The following LEKR1 variants were observed in gnomAD, a reference collection of about 807,000 sequenced individuals.
LEKR1 encodes the protein leucine, glutamate and lysine rich 1, also known as protein LEKR1.
LEKR1 carries 59 observed loss-of-function variants against 72.4 expected under a neutral mutation model. That is an observed-to-expected ratio of 0.82 (90% CI 0.66 to 1.01). The LOEUF (loss-of-function observed/expected upper bound fraction) is 1.01. Ranked by LOEUF, LEKR1 falls within the 50% of genes least tolerant of loss-of-function variation. The pLI, the probability that LEKR1 is intolerant of heterozygous loss-of-function variation, is 0.00. For missense variants in LEKR1, 728 were observed against 759.2 expected (o/e 0.96, Z 0.48); for synonymous variants, 257 against 263.2 (o/e 0.98, Z 0.23).
chr3:156,892,232 C>A (rs752011164), intron 3 of LEKR1, among the ~76,000 whole-genome samples: 32 of 152,024 alleles, frequency 2.1e-4, no homozygotes, highest in Non-Finnish European at 4.1e-4. Flanking sequence ...TAGACGCCAC[C>A]AGACTAAGCG....
intron 3 of LEKR1, among the ~76,000 whole-genome samples, chr3:156,894,923 C>T (rs1486645129): frequency 1.3e-5 from 2 of 152,088 alleles, no homozygotes; most frequent in South Asian, 2.1e-4. Flanking sequence ...CATGTAAAAC[C>T]CAAAAGAAAC....
chr3:156,932,726 G>GA, intron 5 of LEKR1, among the ~76,000 whole-genome samples: 1 of 129,952 alleles, frequency 7.7e-6, no homozygotes, highest in South Asian at 2.6e-4. Flanking sequence ...AAAAAAAAGG[G>GA]TATCTATGTT....
intron 5 of LEKR1, among the ~76,000 whole-genome samples, chr3:156,937,091 A>G (rs867590647): frequency 5.3e-5 from 8 of 152,090 alleles, no homozygotes; most frequent in South Asian, 4.1e-4. Context: ...GCTGTGTTCT[A>G]TGGTCATACC....
intron 10 of LEKR1, among the ~76,000 whole-genome samples, chr3:157,015,608 A>G (rs934092386): frequency 6.6e-6 from 1 of 152,204 alleles, no homozygotes; most frequent in Non-Finnish European, 1.5e-5. Flanking sequence ...GCTCAAGAAT[A>G]TTCATAGGAA....
intron 3 of LEKR1, among the ~76,000 whole-genome samples, chr3:156,899,256 A>G (rs1576773161): frequency 2.6e-4 from 1 of 3,898 alleles, no homozygotes; most frequent in South Asian, 0.011. Flanking sequence ...ATATATACAT[A>G]TATATATATA....
rs1724834826 is a variant in LEKR1, at chr3:156,927,578, A to C, written c.533A>C (p.Lys178Thr). The part of the protein sequence containing the change: ...SLKGAVFLQI[K>T]SISETALTEI... ...AAAGGAGCAGTTTTTCTACAAATTA[A>C]ATCTATAAGTGAAACAGCCTTGACA... The change falls in exon 5 of 13, where the codon AAA becomes ACA. Residue 178 changes from lysine (K) to threonine (T), a missense_variant. By Grantham distance (78) the Lys-to-Thr change is moderately conservative. Transcript: ENST00000356539. 8.1e-7 allele frequency: 1 copy of C among 1,235,386 alleles called. No individual in the cohort carries two copies. The allele number at this position is 1,235,386 out of a possible 1,614,324, so 76.5% of individuals were successfully genotyped here. A position where few individuals can be genotyped will look rare whatever the true frequency, so the allele number is the denominator to read the frequency against.
chr3:157,043,045 A>G lies in LEKR1; in HGVS notation c.1669-2295A>G, dbSNP rs186252785. 7.2e-5 allele frequency among the ~76,000 whole-genome samples: 11 copies of G among 152,182 alleles called. No individual in the cohort carries two copies. The East Asian group carries it at 1.9e-3, about 27-fold the overall frequency. Reference sequence around the variant, plus strand: ...GTTGGTGCTGTTCTTGTGATACTGAATGAGTTCTCATGAGATCTGGTTGTT... The same window carrying G: ...GTTGGTGCTGTTCTTGTGATACTGAGTGAGTTCTCATGAGATCTGGTTGTT... On this transcript the variant is annotated intron_variant, in intron 12 of 12. Coordinates refer to ENST00000356539, the MANE Select transcript of LEKR1 (RefSeq NM_001004316.3).
At chr3:156,979,779 A>C (rs890177285) in intron 7 of LEKR1, 1 of 152,292 alleles carries the variant, frequency 6.6e-6, no homozygotes, top group Non-Finnish European at 1.5e-5. Flanking sequence ...AAAATGATGT[A>C]AAATCAAGAA....
chr3:156,897,573 TA>T (rs1413567114), intron 3 of LEKR1, among the ~76,000 whole-genome samples: 2 of 152,156 alleles, frequency 1.3e-5, no homozygotes, highest in Non-Finnish European at 2.9e-5. Flanking sequence ...TAGGTAAATT[TA>T]AACATTTCCT....
intron 10 of LEKR1, among the ~76,000 whole-genome samples, chr3:157,022,221 A>T (rs1733894828): frequency 6.6e-6 from 1 of 152,216 alleles, no homozygotes; most frequent in Non-Finnish European, 1.5e-5. Context: ...CAAAGGTGTC[A>T]TATGGGCTAG....
rs529311326 is a variant in LEKR1, at chr3:157,000,448, A to C, written c.1109+7171A>C. ...AAAGAATGGACTTTAGAATTAGGTA[A>C]ACATAGAGTAAATCCCAACTTGACC... is the stretch of plus-strand genomic sequence containing the variant. On this transcript the variant is annotated intron_variant, in intron 9 of 12. Coordinates refer to ENST00000356539, the MANE Select transcript of LEKR1 (RefSeq NM_001004316.3). Among the ~76,000 whole-genome samples the C allele has an allele frequency of 2.0e-5, 3 of 152,268 alleles. No individual in the cohort carries two copies. In the East Asian group the frequency reaches 5.8e-4, roughly 29 times the overall value.
At chr3:157,008,373 C>T (rs1732628291) in intron 9 of LEKR1, among the ~76,000 whole-genome samples, 1 of 152,156 alleles carries the variant, frequency 6.6e-6, no homozygotes. Flanking sequence ...TCTACTCTGT[C>T]CTCTGGCTGT....
At chr3:156,890,710 C>G (rs943922656) in intron 3 of LEKR1, among the ~76,000 whole-genome samples, 1 of 152,136 alleles carries the variant, frequency 6.6e-6, no homozygotes, top group Non-Finnish European at 1.5e-5. Context: ...ATTTACCAGA[C>G]AACTGAGACC....
At position 157,028,402 on chromosome 3, in the gene LEKR1, G is replaced by A. The variant is rs1159637446; in HGVS notation, c.1668G>A (p.Glu556=). 1 of 1,577,410 alleles carries A rather than the reference G, an allele frequency of 6.3e-7. No homozygotes were observed. The highest frequency in any genetic ancestry group is 1.9e-5 in the Admixed American group (1 of 53,600). ...AGCAATTTAACCAGTCCCAGGAAGA[G>A]GTAGGAAGCAGATAGTGGTAACTTT... ...LIEQFNQSQE[E]NTFLQETVRR... The change falls in exon 12 of 13, where the codon GAG becomes GAA. Residue 556 remains glutamate (E), a splice_region_variant and synonymous_variant. Transcript: ENST00000356539.
intron 3 of LEKR1, among the ~76,000 whole-genome samples, chr3:156,867,983 G>A (rs1477580183): frequency 6.6e-6 from 1 of 152,002 alleles, no homozygotes; most frequent in African/African-American, 2.4e-5. Flanking sequence ...GTTGTATATT[G>A]TAAATGATTT....
At chr3:157,044,635 G>C (rs908532124) in intron 12 of LEKR1, among the ~76,000 whole-genome samples, 1 of 152,136 alleles carries the variant, frequency 6.6e-6, no homozygotes, top group African/African-American at 2.4e-5. Context: ...ACCTACGAAG[G>C]TACAAACTTC....
chr3:156,876,754 A>G (rs926954477), intron 3 of LEKR1, among the ~76,000 whole-genome samples: 1 of 152,250 alleles, frequency 6.6e-6, no homozygotes, highest in Non-Finnish European at 1.5e-5. Context: ...GTATACAATC[A>G]TATCATCAGC....
intron 12 of LEKR1, among the ~76,000 whole-genome samples, chr3:157,029,670 T>G (rs1734463143): frequency 6.6e-6 from 1 of 152,076 alleles, no homozygotes; most frequent in African/African-American, 2.4e-5. Flanking sequence ...GCCGCACCCC[T>G]AGTTCAGGCA....
chr3:156,948,264 G>A lies in LEKR1; in HGVS notation c.745+5550G>A, dbSNP rs1448310809. 4.0e-5 allele frequency among the ~76,000 whole-genome samples: 6 copies of A among 150,712 alleles called. No individual in the cohort carries two copies. The East Asian group carries it at 1.2e-3, about 29-fold the overall frequency. ...TGTTAAATTTGTTACTGTCAGTTTTGCCTCTACCATAAATAGACTATTTTT... is the reference window on the plus strand; with the variant it reads ...TGTTAAATTTGTTACTGTCAGTTTTACCTCTACCATAAATAGACTATTTTT... On this transcript the variant is annotated intron_variant, in intron 6 of 12. Transcript: ENST00000356539.
Sources: allele counts gnomAD v4.1 joint callset (sites outside exome capture counted in the v4.1 genomes callset), GRCh38; gene constraint gnomAD v4.1.1; transcripts MANE v1.5; gene names NCBI Gene and HGNC (gene_info 2026-07-23, HGNC 2026-07-21).